PTPRN2: variants seen among roughly 807,000 people sequenced by gnomAD.
PTPRN2 encodes the protein receptor-type tyrosine-protein phosphatase N2.
PTPRN2 carries 74 observed loss-of-function variants against 118.8 expected under a neutral mutation model. That is an observed-to-expected ratio of 0.62 (90% CI 0.52 to 0.76). PTPRN2 has a LOEUF of 0.76. Among genes scored for constraint, PTPRN2 ranks in the 30% least tolerant of loss-of-function variants. The pLI is 0.00. For missense variants in PTPRN2, 1,481 were observed against 1,394.4 expected (o/e 1.06, Z -0.99); for synonymous variants, 641 against 608.0 (o/e 1.05, Z -0.80).
chr7:157,634,827 G>GA (rs1272541311), intron 14 of PTPRN2, among the ~76,000 whole-genome samples: 9 of 152,208 alleles, frequency 5.9e-5, no homozygotes, highest in African/African-American at 2.2e-4. Context: ...GCAAGTTTGA[G>GA]AAAACCAGAA....
intron 3 of PTPRN2, among the ~76,000 whole-genome samples, chr7:158,234,767 T>C (rs1829419001): frequency 6.6e-6 from 1 of 151,634 alleles, no homozygotes; most frequent in Admixed American, 6.6e-5. Flanking sequence ...TTAAAATGGC[T>C]TTTTTTTTCT....
At chr7:157,586,963 GCT>G (rs1311516224) in intron 17 of PTPRN2, among the ~76,000 whole-genome samples, 9 of 152,354 alleles carry the variant, frequency 5.9e-5, no homozygotes, top group African/African-American at 2.2e-4. Context: ...ATCTCTGGAT[GCT>G]CTGAGGTTTG....
At chr7:157,736,667 C>G (rs1671651426) in intron 12 of PTPRN2, among the ~76,000 whole-genome samples, 1 of 152,190 alleles carries the variant, frequency 6.6e-6, no homozygotes, top group South Asian at 2.1e-4. Flanking sequence ...GACTTACACA[C>G]AGATGCACGC....
At chr7:157,911,512 A>G (rs180995648) in intron 11 of PTPRN2, among the ~76,000 whole-genome samples, 28 of 152,324 alleles carry the variant, frequency 1.8e-4, no homozygotes, top group African/African-American at 5.1e-4. Flanking sequence ...GAAAGTTAGA[A>G]GTTTTGGGGT....
intron 5 of PTPRN2, among the ~76,000 whole-genome samples, chr7:158,183,108 C>T (rs901093048): frequency 4.6e-5 from 7 of 152,138 alleles, no homozygotes; most frequent in African/African-American, 1.7e-4. Flanking sequence ...TTAGAATGCT[C>T]CTGCTCACTT....
At chr7:158,106,136 CT>C (rs1177368654) in intron 10 of PTPRN2, among the ~76,000 whole-genome samples, 1 of 152,052 alleles carries the variant, frequency 6.6e-6, no homozygotes, top group Non-Finnish European at 1.5e-5. Flanking sequence ...TTCATCTCAG[CT>C]TTTTTTCTGA....
In PTPRN2 at chr7:157,944,895, C is replaced by T. The variant is rs1800370914; in HGVS notation, c.1724-46158G>A. Among the ~76,000 whole-genome samples the T allele has an allele frequency of 6.6e-6, 1 of 152,228 alleles. No individual in the cohort carries two copies. The highest frequency in any genetic ancestry group is 1.5e-5 in the Non-Finnish European group (1 of 68,050). On this transcript the variant is annotated intron_variant, in intron 11 of 22. Transcript: ENST00000389418. The surrounding 1 kb of genome is among the most constrained non-coding windows in gnomAD (Gnocchi z 4.3). Reference sequence around the variant, plus strand: ...ACTACACAGTCCACAGTCCACAACTCCTGAATCCTGCCTAGTATTTATACA... The same window carrying T: ...ACTACACAGTCCACAGTCCACAACTTCTGAATCCTGCCTAGTATTTATACA...
Position 158,167,247 on chromosome 7 carries a change from G to C in PTPRN2, c.594C>G (p.His198Gln), listed in dbSNP as rs760028722. The C allele has an allele frequency of 6.2e-7, 1 of 1,612,422 alleles. No individual in the cohort carries two copies. Among genetic ancestry groups the C allele is most frequent in the South Asian group, 1.1e-5 (1 of 90,884 alleles). ...FSESILTYVAHTSALTYPPGS... is the reference protein window; with the variant it reads ...FSESILTYVAQTSALTYPPGS... ...CGGGAGGGTAGGTCAGCGCAGACGT[G>C]TGGGCCACATAGGTCAGGATGCTCT... is the stretch of plus-strand genomic sequence containing the variant. The change falls in exon 6 of 23, where the codon CAC (histidine) becomes CAG (glutamine). Residue 198 changes from histidine (H) to glutamine (Q), a missense_variant. This residue lies in a region of PTPRN2 where 1,115 missense variants were observed against 994.2 expected (regional missense o/e 1.12). Coordinates refer to ENST00000389418, the MANE Select transcript of PTPRN2 (RefSeq NM_002847.5).
chr7:157,612,942 C>T (rs1283980102), intron 15 of PTPRN2, among the ~76,000 whole-genome samples: 1 of 152,104 alleles, frequency 6.6e-6, no homozygotes, highest in Non-Finnish European at 1.5e-5. Flanking sequence ...CCCGCCTCCC[C>T]GCCCGGGTCT....
chr7:157,554,957 A>ACCCCAGTGTGGCGGGCG (rs1309692114), intron 21 of PTPRN2, among the ~76,000 whole-genome samples: 32 of 150,902 alleles, frequency 2.1e-4, no homozygotes, highest in African/African-American at 6.9e-4. Context: ...CTTGCTCAGC[A>ACCCCAGTGTGGCGGGCG]CCCCAGTGTG....
chr7:158,461,095 G>A (rs953462525), intron 2 of PTPRN2, among the ~76,000 whole-genome samples: 5 of 152,208 alleles, frequency 3.3e-5, no homozygotes, highest in Non-Finnish European at 5.9e-5. Flanking sequence ...CAGTCATGTG[G>A]CTTCACTTAA....
At chr7:158,585,840 G>A (rs1281588777) in intron 1 of PTPRN2, among the ~76,000 whole-genome samples, 3 of 152,188 alleles carry the variant, frequency 2.0e-5, no homozygotes, top group Non-Finnish European at 4.4e-5. Flanking sequence ...TAGGTGAAGG[G>A]CGGCACCTGG....
At chr7:158,145,612 C>T (rs565221119) in intron 6 of PTPRN2, among the ~76,000 whole-genome samples, 10 of 152,344 alleles carry the variant, frequency 6.6e-5, no homozygotes, top group South Asian at 6.2e-4. Flanking sequence ...CCTGGCCAGA[C>T]GCGGCCAGGC....
intron 10 of PTPRN2, among the ~76,000 whole-genome samples, chr7:158,083,355 G>A (rs1050323648): frequency 2.0e-5 from 3 of 152,116 alleles, no homozygotes; most frequent in Non-Finnish European, 2.9e-5. Flanking sequence ...ATGTACCCCC[G>A]AAACAACGCT....
At chr7:158,394,623 T>C (rs981568091) in intron 2 of PTPRN2, among the ~76,000 whole-genome samples, 1 of 152,222 alleles carries the variant, frequency 6.6e-6, no homozygotes, top group Non-Finnish European at 1.5e-5. Flanking sequence ...GCAGAAAGTG[T>C]CAAGGCACAA....
intron 2 of PTPRN2, among the ~76,000 whole-genome samples, chr7:158,456,609 C>G (rs144912087): frequency 6.6e-6 from 1 of 151,004 alleles, no homozygotes; most frequent in Non-Finnish European, 1.5e-5. Context: ...GATAACGGCA[C>G]GGACGCCATC....
At chr7:158,167,594 G>A (rs1823146348) in intron 5 of PTPRN2, among the ~76,000 whole-genome samples, 1 of 152,202 alleles carries the variant, frequency 6.6e-6, no homozygotes, top group Non-Finnish European at 1.5e-5. Flanking sequence ...AGTGTATTCA[G>A]AGTTGTGAGA....
chr7:158,002,979 T>C (rs1805382030), intron 11 of PTPRN2, among the ~76,000 whole-genome samples: 3 of 152,040 alleles, frequency 2.0e-5, no homozygotes, highest in Admixed American at 2.0e-4. Flanking sequence ...TACAGGCCGC[T>C]TGGATCCAGG....
At chr7:157,834,076 CCT>C (rs1391905042) in intron 12 of PTPRN2, among the ~76,000 whole-genome samples, 1 of 152,116 alleles carries the variant, frequency 6.6e-6, no homozygotes, top group Non-Finnish European at 1.5e-5. Flanking sequence ...AGCAGCATTC[CCT>C]GTGATCAATC....
Sources: allele counts gnomAD v4.1 joint callset (sites outside exome capture counted in the v4.1 genomes callset), GRCh38; gene constraint gnomAD v4.1.1; regional missense constraint gnomAD v4.1.1; non-coding constraint Gnocchi (gnomAD v3.1); transcripts MANE v1.5; gene names NCBI Gene and HGNC (gene_info 2026-07-23, HGNC 2026-07-21).